ELOVL7: variants seen among roughly 807,000 people sequenced by gnomAD.
ELOVL7 encodes very long chain fatty acid elongase 7.
Under a neutral mutation model 35.7 loss-of-function variants are expected in ELOVL7, and 27 were observed. The observed-to-expected ratio is 0.76, with a 90% CI of 0.56 to 1.04. The LOEUF is 1.04. ELOVL7 is among the 50% of genes least tolerant of loss of function. ELOVL7 has a pLI of 0.00. For missense variants in ELOVL7, 327 were observed against 340.8 expected, an observed-to-expected ratio of 0.96 and a Z score of 0.32; for synonymous variants, 113 against 114.6, an observed-to-expected ratio of 0.99 and a Z score of 0.09.
chr5:60,762,675 A>G (rs1741998321), intron 7 of ELOVL7, among the ~76,000 whole-genome samples: 2 of 152,208 alleles, frequency 1.3e-5, no homozygotes, highest in South Asian at 4.1e-4. Flanking sequence ...TAAATAAATT[A>G]TAAGGATGTG....
intron 7 of ELOVL7, among the ~76,000 whole-genome samples, chr5:60,758,925 T>C (rs762774102): frequency 5.3e-5 from 8 of 152,178 alleles, no homozygotes; most frequent in South Asian, 2.1e-4. Flanking sequence ...ATTTAGATTA[T>C]GGTAGGAGAA....
chr5:60,771,647 T>G (rs1742595974), intron 4 of ELOVL7, among the ~76,000 whole-genome samples: 1 of 152,220 alleles, frequency 6.6e-6, no homozygotes. Flanking sequence ...AATAATCCAT[T>G]AAGGCAATTA....
intron 1 of ELOVL7, among the ~76,000 whole-genome samples, chr5:60,829,910 T>G (rs1407868883): frequency 6.6e-6 from 1 of 152,204 alleles, no homozygotes; most frequent in Non-Finnish European, 1.5e-5. Context: ...GGTAGGGAGA[T>G]AGAAGAGAGA....
chr5:60,844,013 C>A (rs959139859), intron 1 of ELOVL7, 147 bp downstream of exon 1: 2 of 152,512 alleles, frequency 1.3e-5, no homozygotes, highest in African/African-American at 4.8e-5. Flanking sequence ...GCACCCGGGT[C>A]CCACTTCTCG....
chr5:60,752,889 A>C lies in ELOVL7; in HGVS notation c.*1735T>G, dbSNP rs1741343992. 6.6e-6 allele frequency: 1 copy of C among 152,062 alleles called. No individual in the cohort carries two copies. Among genetic ancestry groups the C allele is most frequent in the Admixed American group, 6.6e-5 (1 of 15,244 alleles). The allele number at this position is 152,062 out of a possible 1,614,324, so 9.4% of individuals were successfully genotyped here. A position where few individuals can be genotyped will look rare whatever the true frequency, so the allele number is the denominator to read the frequency against. On this transcript the variant is annotated 3_prime_UTR_variant, in exon 9 of 9. Coordinates refer to ENST00000508821, the MANE Select transcript of ELOVL7 (RefSeq NM_024930.3). ...ACCTGGGAGGCAGAGGTTGCAGTGA[A>C]CCGAGATTGTGCCATTGCACTCTAG... is the stretch of plus-strand genomic sequence containing the variant.
chr5:60,787,206 C>T (rs903273487), intron 3 of ELOVL7, 128 bp downstream of exon 3: 15 of 693,886 alleles, frequency 2.2e-5, no homozygotes, highest in African/African-American at 1.9e-4. Flanking sequence ...ACTTCCTCTT[C>T]GTTAACTAGT....
intron 1 of ELOVL7, among the ~76,000 whole-genome samples, chr5:60,800,538 C>T (rs965753957): frequency 6.6e-6 from 1 of 152,142 alleles, no homozygotes; most frequent in Admixed American, 6.5e-5. Context: ...GAGTTGAAAG[C>T]TTTTCCTCTA....
rs1741394757 is a variant in ELOVL7 at position 60,754,178 on chromosome 5, T to G, written c.*446A>C. 1 of 164,162 alleles carries G rather than the reference T, an allele frequency of 6.1e-6. No homozygotes were observed. The highest frequency in any genetic ancestry group is 2.4e-5 in the African/African-American group (1 of 41,516). The allele number at this position is 164,162 out of a possible 1,614,324, so 10.2% of individuals were successfully genotyped here. Reference sequence around the variant, plus strand: ...GTATCTTCTGAATACAGTCAATAAATGACAAAGCCAGGGCCTACAGGTGGT... The same window carrying G: ...GTATCTTCTGAATACAGTCAATAAAGGACAAAGCCAGGGCCTACAGGTGGT... On this transcript the variant is annotated 3_prime_UTR_variant, in exon 9 of 9. Coordinates refer to ENST00000508821, the MANE Select transcript of ELOVL7 (RefSeq NM_024930.3).
intron 3 of ELOVL7, among the ~76,000 whole-genome samples, chr5:60,783,240 T>C (rs1026005408): frequency 1.3e-5 from 2 of 152,198 alleles, no homozygotes; most frequent in East Asian, 1.9e-4. Flanking sequence ...ATCTGCTACA[T>C]TGGTCTTCCA....
At chr5:60,810,922 G>A (rs1745204987) in intron 1 of ELOVL7, among the ~76,000 whole-genome samples, 1 of 152,060 alleles carries the variant, frequency 6.6e-6, no homozygotes, top group Non-Finnish European at 1.5e-5. Context: ...TAGCTGTACT[G>A]GGCAGTAAGA....
chr5:60,793,799 T>TA (rs749481774), intron 2 of ELOVL7, among the ~76,000 whole-genome samples: 4 of 152,088 alleles, frequency 2.6e-5, no homozygotes, highest in African/African-American at 4.8e-5. Flanking sequence ...GAAAGTACAC[T>TA]AAAAAAAGAA....
chr5:60,806,536 C>T (rs541908813), intron 1 of ELOVL7, among the ~76,000 whole-genome samples: 1 of 151,836 alleles, frequency 6.6e-6, no homozygotes, highest in East Asian at 1.9e-4. Context: ...AAAGAAGCAA[C>T]AGCCAGAAAG....
intron 3 of ELOVL7, among the ~76,000 whole-genome samples, chr5:60,779,380 C>T (rs562703462): frequency 6.6e-6 from 1 of 152,318 alleles, no homozygotes; most frequent in Non-Finnish European, 1.5e-5. Context: ...AAACTTCGGC[C>T]TGGACATCCA....
intron 2 of ELOVL7, among the ~76,000 whole-genome samples, chr5:60,789,936 G>A (rs1870015): frequency 0.58 from 88,277 of 151,954 alleles, 26,397 homozygotes; most frequent in East Asian, 0.89. Context: ...TCAGGAGTTC[G>A]AGACTAGCCT....
intron 3 of ELOVL7, among the ~76,000 whole-genome samples, chr5:60,778,326 G>A (rs1339251054): frequency 6.6e-6 from 1 of 152,170 alleles, no homozygotes; most frequent in Non-Finnish European, 1.5e-5. Flanking sequence ...TAAGTGGGTA[G>A]TGCAAACCTT....
chr5:60,774,466 C>T (rs751191923), intron 3 of ELOVL7, among the ~76,000 whole-genome samples: 5 of 151,930 alleles, frequency 3.3e-5, no homozygotes, highest in African/African-American at 1.2e-4. Flanking sequence ...TGATAAAAAC[C>T]CTCAACAAAC....
chr5:60,831,661 T>C (rs746794504), intron 1 of ELOVL7, among the ~76,000 whole-genome samples: 3 of 152,184 alleles, frequency 2.0e-5, no homozygotes, highest in Non-Finnish European at 2.9e-5. Context: ...TATCTTTGCA[T>C]CTTTAGCAAA....
chr5:60,762,792 T>G (rs543853611), intron 7 of ELOVL7, among the ~76,000 whole-genome samples: 1 of 152,324 alleles, frequency 6.6e-6, no homozygotes, highest in African/African-American at 2.4e-5. Context: ...AATCTTTGTG[T>G]ATAGGATCCT....
chr5:60,770,137 A>T (rs1327151638), intron 4 of ELOVL7, among the ~76,000 whole-genome samples: 1 of 152,180 alleles, frequency 6.6e-6, no homozygotes, highest in East Asian at 1.9e-4. Context: ...ACACATAAGT[A>T]ACTCAAGTAT....
Sources: allele counts gnomAD v4.1 joint callset (sites outside exome capture counted in the v4.1 genomes callset), GRCh38; gene constraint gnomAD v4.1.1; transcripts MANE v1.5; gene names NCBI Gene and HGNC (gene_info 2026-07-23, HGNC 2026-07-21).